ECE1: variants seen among roughly 807,000 people sequenced by gnomAD.
ECE1 encodes the protein endothelin-converting enzyme 1.
A neutral mutation model predicts 98.6 loss-of-function variants in ECE1; 35 were observed. The ratio of observed to expected loss-of-function variants is 0.35; its 90% CI spans 0.27 to 0.47. The LOEUF is 0.47. Ranked by LOEUF, ECE1 falls within the 20% of genes least tolerant of loss-of-function variation. The probability of loss-of-function intolerance (pLI) is 1.00; values close to 1 mark genes in which losing one functional copy is unlikely to be tolerated. For synonymous variants in ECE1, 394 were observed against 407.1 expected (o/e 0.97, Z 0.39); for missense variants, 814 against 1,025.3 (o/e 0.79, Z 2.81).
At chr1:21,317,500 T>C (rs1032598861) in intron 1 of ECE1, among the ~76,000 whole-genome samples, 150 of 152,318 alleles carry the variant, frequency 9.8e-4, no homozygotes, top group African/African-American at 3.4e-3. Flanking sequence ...TGGTGACGCA[T>C]CTGCAGCTCT....
intron 1 of ECE1, among the ~76,000 whole-genome samples, chr1:21,311,509 CAAA>C (rs397979522): frequency 0.14 from 10,545 of 74,126 alleles, 551 homozygotes; most frequent in East Asian, 0.44. Flanking sequence ...CCTGTCTCCA[CAAA>C]AAAAAAAAAA....
intron 1 of ECE1, among the ~76,000 whole-genome samples, chr1:21,308,938 T>C (rs949807487): frequency 7.2e-5 from 11 of 152,348 alleles, no homozygotes; most frequent in African/African-American, 1.9e-4. Flanking sequence ...GCAGGCTTAG[T>C]TGGACTGAGC....
chr1:21,228,658 G>A (rs1029869099), intron 14 of ECE1, among the ~76,000 whole-genome samples: 10 of 151,742 alleles, frequency 6.6e-5, no homozygotes, highest in Non-Finnish European at 1.5e-4. Flanking sequence ...GCGTGGTGGC[G>A]CACACTTGTA....
chr1:21,263,275 T>G (rs1346746199), intron 4 of ECE1, among the ~76,000 whole-genome samples: 1 of 152,062 alleles, frequency 6.6e-6, no homozygotes, highest in Non-Finnish European at 1.5e-5. Context: ...CAGAGCCCAG[T>G]GTCCCTTTCT....
In ECE1 at chr1:21,233,541, G is replaced by C. The variant is rs747779655; in HGVS notation, c.1670+17C>G. 1.4e-5 allele frequency: 22 copies of C among 1,611,728 alleles called. No individual in the cohort carries two copies. Among genetic ancestry groups the C allele is most frequent in the Non-Finnish European group, 8.5e-6 (10 of 1,178,992 alleles). On this transcript the variant is annotated intron_variant, in intron 14 of 18. Transcript: ENST00000374893. This position sits in a 1 kb window ranked among gnomAD's most constrained non-coding sequence, Gnocchi z 4.0. ...TGGGGAGCTGGCACCTTGCCGGCAG[G>C]GCCTGGGGGAACTCACTGATCTCTG...
intron 17 of ECE1, chr1:21,222,172 A>C (rs1056252431): frequency 5.2e-6 from 2 of 386,104 alleles, no homozygotes; most frequent in Non-Finnish European, 9.9e-6. Flanking sequence ...GTGTGTGTGC[A>C]TGCACACACA....
intron 3 of ECE1, among the ~76,000 whole-genome samples, chr1:21,273,868 G>C (rs1399260115): frequency 6.6e-6 from 1 of 152,220 alleles, no homozygotes; most frequent in Non-Finnish European, 1.5e-5. Context: ...CCAGAGGCAA[G>C]AGGAAAGGGC....
intron 1 of ECE1, among the ~76,000 whole-genome samples, chr1:21,316,761 C>T (rs213013): frequency 0.11 from 17,187 of 152,172 alleles, 1,226 homozygotes; most frequent in East Asian, 0.38. Flanking sequence ...GAATACTACA[C>T]GGTAATGAAA....
At chr1:21,263,923 C>A (rs1172291494) in intron 4 of ECE1, among the ~76,000 whole-genome samples, 1 of 152,218 alleles carries the variant, frequency 6.6e-6, no homozygotes, top group Non-Finnish European at 1.5e-5. Flanking sequence ...ATCCTGCAGG[C>A]TCCAGGGGAC....
At chr1:21,241,318 G>A (rs1404424243) in intron 10 of ECE1, among the ~76,000 whole-genome samples, 1 of 152,084 alleles carries the variant, frequency 6.6e-6, no homozygotes, top group Non-Finnish European at 1.5e-5. Context: ...TTATAGGTGT[G>A]AGCCACCGCA....
chr1:21,227,073 G>C (rs2098175271), intron 16 of ECE1, 86 bp downstream of exon 16: 4 of 1,386,336 alleles, frequency 2.9e-6, no homozygotes, highest in Admixed American at 1.7e-5. Flanking sequence ...GCCCAGGCTG[G>C]TCTCAAACTC....
chr1:21,301,680 T>G (rs1211994526), intron 1 of ECE1, among the ~76,000 whole-genome samples: 1 of 150,886 alleles, frequency 6.6e-6, no homozygotes, highest in Non-Finnish European at 1.5e-5. Flanking sequence ...TAGCCAGGTA[T>G]GGTGGCGTGG....
chr1:21,270,561 C>T (rs1350211895), intron 4 of ECE1, among the ~76,000 whole-genome samples: 1 of 152,236 alleles, frequency 6.6e-6, no homozygotes, highest in Admixed American at 6.5e-5. Context: ...GAGTGAGCAA[C>T]ACCTTCCCAG....
chr1:21,250,666 T>A (rs212517), intron 8 of ECE1, among the ~76,000 whole-genome samples: 101,987 of 152,118 alleles, frequency 0.67, 34,953 homozygotes, highest in African/African-American at 0.82. Flanking sequence ...CCTGTTGGTA[T>A]ATACTGATGA....
chr1:21,283,263 GAATTTTTTTTA>G (rs71569827), intron 2 of ECE1, among the ~76,000 whole-genome samples: 11,676 of 149,976 alleles, frequency 0.078, 597 homozygotes, highest in Middle Eastern at 0.13. Flanking sequence ...TCCTTTTTTT[GAATTTTTTTTA>G]AATTTTTTTT....
chr1:21,337,967 C>T (rs1639334255), intron 1 of ECE1, among the ~76,000 whole-genome samples: 1 of 152,208 alleles, frequency 6.6e-6, no homozygotes, highest in South Asian at 2.1e-4. Flanking sequence ...CCCTCCTCTC[C>T]AGTGCTGGAA....
At chr1:21,305,464 C>T (rs551394173) in intron 1 of ECE1, among the ~76,000 whole-genome samples, 4 of 152,308 alleles carry the variant, frequency 2.6e-5, no homozygotes, top group East Asian at 3.9e-4. Context: ...TCTGAGTTTT[C>T]GTTTTCTCTG....
intron 1 of ECE1, among the ~76,000 whole-genome samples, chr1:21,315,228 T>G (rs1187180072): frequency 6.6e-6 from 1 of 152,246 alleles, no homozygotes; most frequent in Non-Finnish European, 1.5e-5. Context: ...ATCTGTAATT[T>G]GAGCCCAGGT....
At chr1:21,305,015 C>T (rs557902236) in intron 1 of ECE1, among the ~76,000 whole-genome samples, 7 of 152,136 alleles carry the variant, frequency 4.6e-5, no homozygotes, top group African/African-American at 7.2e-5. Flanking sequence ...AGGCCTTGAA[C>T]GACATCTTCA....
Sources: gnomAD v4.1 joint callset for allele counts (sites outside exome capture counted in the v4.1 genomes callset) on GRCh38, gnomAD v4.1.1 for gene constraint, Gnocchi (gnomAD v3.1) non-coding constraint, MANE v1.5 for transcripts, NCBI Gene and HGNC (gene_info 2026-07-23, HGNC 2026-07-21) for gene names.